The following AVL9 variants were observed in gnomAD, a reference collection of about 807,000 sequenced individuals.
The protein encoded by AVL9 is late secretory pathway protein AVL9 homolog.
A neutral mutation model predicts 79.2 loss-of-function variants in AVL9; 49 were observed. The ratio of observed to expected loss-of-function variants is 0.62; its 90% CI spans 0.49 to 0.79. The LOEUF (loss-of-function observed/expected upper bound fraction) is 0.79. AVL9 is among the 30% of genes least tolerant of loss of function. AVL9 has a pLI of 0.00. For missense variants in AVL9, 682 were observed against 776.8 expected, an observed-to-expected ratio of 0.88 and a Z score of 1.45; for synonymous variants, 299 against 280.6, an observed-to-expected ratio of 1.07 and a Z score of -0.65.
intron 1 of AVL9, among the ~76,000 whole-genome samples, chr7:32,520,691 A>G (rs1788103025): frequency 6.6e-6 from 1 of 152,128 alleles, no homozygotes; most frequent in Admixed American, 6.5e-5. Context: ...GTCATGGCAA[A>G]TTTTGGGCTG....
At chr7:32,580,632 G>A in intron 14 of AVL9, 170 bp from the exon 15 acceptor site, 1 of 598,882 alleles carries the variant, frequency 1.7e-6, no homozygotes, top group Admixed American at 3.3e-5. Flanking sequence ...TGCTTAAAAG[G>A]TTAATAAATT....
At chr7:32,524,476 C>T (rs1206943856) in intron 1 of AVL9, among the ~76,000 whole-genome samples, 2 of 152,032 alleles carry the variant, frequency 1.3e-5, no homozygotes, top group African/African-American at 4.8e-5. Flanking sequence ...GATCATGCTA[C>T]TGCACTCCTC....
In AVL9 at chr7:32,587,330, C is replaced by T. The variant is rs1165769875; in HGVS notation, c.*3423C>T. The T allele has an allele frequency of 6.6e-6, 1 of 152,230 alleles. No homozygotes were observed. The highest frequency in any genetic ancestry group is 1.5e-5 in the Non-Finnish European group (1 of 68,044). The allele number at this position is 152,230 out of a possible 1,614,324, so 9.4% of individuals were successfully genotyped here. A position where few individuals can be genotyped will look rare whatever the true frequency, so the allele number is the denominator to read the frequency against. On this transcript the variant is annotated 3_prime_UTR_variant, in exon 16 of 16. Coordinates refer to ENST00000318709, the MANE Select transcript of AVL9 (RefSeq NM_015060.3). Reference sequence around the variant, plus strand: ...GATTAGAATTTTACTCTGCTAGTTACAAGTTTTAAAGTCACGCTACGGCAT... The same window carrying T: ...GATTAGAATTTTACTCTGCTAGTTATAAGTTTTAAAGTCACGCTACGGCAT...
intron 15 of AVL9, 109 bp downstream of exon 15, chr7:32,580,999 C>T: frequency 2.3e-6 from 2 of 885,930 alleles, no homozygotes; most frequent in Non-Finnish European, 3.5e-6. Context: ...TCTGTGTTAT[C>T]ACATAGTAAT....
intron 1 of AVL9, among the ~76,000 whole-genome samples, chr7:32,504,009 G>A (rs145621350): frequency 6.6e-6 from 1 of 152,200 alleles, no homozygotes; most frequent in Non-Finnish European, 1.5e-5. Context: ...TGAAACCCAC[G>A]TCTGCCCCGT....
intron 1 of AVL9, among the ~76,000 whole-genome samples, chr7:32,509,641 G>A (rs952953642): frequency 6.6e-6 from 1 of 152,122 alleles, no homozygotes; most frequent in Non-Finnish European, 1.5e-5. Flanking sequence ...CTTGAGGTCA[G>A]GAGTTTGAGA....
chr7:32,520,998 G>A (rs905128355), intron 1 of AVL9, among the ~76,000 whole-genome samples: 1 of 151,876 alleles, frequency 6.6e-6, no homozygotes, highest in African/African-American at 2.4e-5. Context: ...TTCTGCTTTT[G>A]CTCCTTCCTT....
intron 1 of AVL9, among the ~76,000 whole-genome samples, chr7:32,500,637 CT>C (rs1787084687): frequency 6.6e-6 from 1 of 151,618 alleles, no homozygotes. Context: ...TCAATTTTGT[CT>C]TTTGTTGCAA....
chr7:32,570,119 C>T lies in AVL9; in HGVS notation c.1315C>T (p.Arg439Ter). The T allele has an allele frequency of 6.2e-7, 1 of 1,614,126 alleles. No individual in the cohort carries two copies. Among genetic ancestry groups the T allele is most frequent in the Non-Finnish European group, 8.5e-7 (1 of 1,180,012 alleles). Reference protein sequence around the residue: ...FVAGATNILFRQQKHLSDAIV... With the variant: ...FVAGATNILF ...TGCTGGAGCTACTAACATCCTTTTTCGACAACAGAAACACCTCAGTGATGC... is the reference window on the plus strand; with the variant it reads ...TGCTGGAGCTACTAACATCCTTTTTTGACAACAGAAACACCTCAGTGATGC... Residue 439 changes from arginine (R) to a stop codon, truncating the protein, a stop_gained, in exon 11 of 16, where the codon CGA becomes TGA. Coordinates refer to ENST00000318709, the MANE Select transcript of AVL9 (RefSeq NM_015060.3). LOFTEE classifies it high-confidence loss of function.
At chr7:32,549,900 C>T (rs979028557) in intron 4 of AVL9, among the ~76,000 whole-genome samples, 2 of 62,052 alleles carry the variant, frequency 3.2e-5, no homozygotes, top group African/African-American at 1.1e-4. Context: ...GCCTGGGCGA[C>T]AGAGGGAGAC....
At chr7:32,538,552 A>G (rs1291068225) in intron 1 of AVL9, 1 of 144,814 alleles carries the variant, frequency 6.9e-6, no homozygotes, top group Admixed American at 7.1e-5. Flanking sequence ...TGAAAATTTC[A>G]AAACAAAATG....
chr7:32,536,602 A>G (rs944015783), intron 1 of AVL9: 6 of 152,056 alleles, frequency 3.9e-5, no homozygotes, highest in African/African-American at 1.5e-4. Context: ...GCATTCTACA[A>G]TTCAGTCATA....
chr7:32,542,665 G>A (rs1789269250), intron 1 of AVL9, among the ~76,000 whole-genome samples: 1 of 152,178 alleles, frequency 6.6e-6, no homozygotes, highest in African/African-American at 2.4e-5. Flanking sequence ...TGATTCAAGT[G>A]GCAGCTTGAT....
At chr7:32,556,626 T>G (rs1197181680) in intron 8 of AVL9, among the ~76,000 whole-genome samples, 1 of 152,206 alleles carries the variant, frequency 6.6e-6, no homozygotes, top group Non-Finnish European at 1.5e-5. Context: ...TCAAAAAATT[T>G]TATTTAATTT....
At chr7:32,574,326 G>C (rs1311025421) in intron 12 of AVL9, among the ~76,000 whole-genome samples, 4 of 152,002 alleles carry the variant, frequency 2.6e-5, no homozygotes. Flanking sequence ...TTTTTCATTT[G>C]TAAAAGACAG....
In AVL9 at chr7:32,583,818, A is replaced by G; in HGVS notation, c.1858A>G (p.Ser620Gly). ...VGQSVGGAFS[S>G]AKTAMSSWLS... ...CCAGTCAGTTGGAGGAGCTTTTTCC[A>G]GTGCAAAGACAGCTATGTCTTCATG... The change falls in exon 16 of 16, where the codon AGT (serine) becomes GGT (glycine). Residue 620 changes from serine to glycine, a missense_variant. Ser to Gly is a moderately conservative substitution (Grantham distance 56, BLOSUM62 0). Coordinates refer to ENST00000318709, the MANE Select transcript of AVL9 (RefSeq NM_015060.3). 6.2e-7 allele frequency: 1 copy of G among 1,613,830 alleles called. No homozygotes were observed. The highest frequency in any genetic ancestry group is 8.5e-7 in the Non-Finnish European group (1 of 1,179,844).
intron 1 of AVL9, among the ~76,000 whole-genome samples, chr7:32,517,811 GTTTT>G (rs143487006): frequency 8.6e-5 from 11 of 128,562 alleles, no homozygotes; most frequent in Admixed American, 7.0e-4. Context: ...TTGCTTGTGT[GTTTT>G]TTTTTTGTTT....
intron 12 of AVL9, among the ~76,000 whole-genome samples, chr7:32,575,398 C>T (rs1438243628): frequency 1.3e-5 from 2 of 151,998 alleles, no homozygotes; most frequent in East Asian, 3.9e-4. Context: ...TGCACCTGGC[C>T]TTTTTTAAGT....
Position 32,583,953 on chromosome 7 carries a change from CCT to C in AVL9, c.*47_*48del, listed in dbSNP as rs1483622093. The C allele has an allele frequency of 7.2e-6, 10 of 1,382,672 alleles. No individual in the cohort carries two copies. Among genetic ancestry groups the C allele is most frequent in the Admixed American group, 6.8e-5 (4 of 59,214 alleles). The allele number at this position is 1,382,672 out of a possible 1,614,324, so 85.7% of individuals were successfully genotyped here. A position where few individuals can be genotyped will look rare whatever the true frequency, so the allele number is the denominator to read the frequency against. Reference sequence around the variant, plus strand: ...ATTGCTTTCTGAGGTTTAAGTGTCCCCTGTCTGTCTGCTGCTCCCAGGCTGTT... The same window carrying C: ...ATTGCTTTCTGAGGTTTAAGTGTCCCGTCTGTCTGCTGCTCCCAGGCTGTT... On this transcript the variant is annotated 3_prime_UTR_variant, in exon 16 of 16. Coordinates refer to ENST00000318709, the MANE Select transcript of AVL9 (RefSeq NM_015060.3).
Sources: gnomAD v4.1 joint callset for allele counts (sites outside exome capture counted in the v4.1 genomes callset) on GRCh38, gnomAD v4.1.1 for gene constraint, MANE v1.5 for transcripts, NCBI Gene and HGNC (gene_info 2026-07-23, HGNC 2026-07-21) for gene names.